Variants in TMX3 observed in about 807,000 individuals in gnomAD.
The protein encoded by TMX3 is thioredoxin related transmembrane protein 3, also known as protein disulfide-isomerase TMX3.
Under a neutral mutation model 64.4 loss-of-function variants are expected in TMX3, and 40 were observed. The ratio of observed to expected loss-of-function variants is 0.62; its 90% CI spans 0.48 to 0.81. The LOEUF (loss-of-function observed/expected upper bound fraction) is 0.81. Ranked by LOEUF, TMX3 falls within the 30% of genes least tolerant of loss-of-function variation. The probability of loss-of-function intolerance (pLI) is 0.00; values close to 1 mark genes in which losing one functional copy is unlikely to be tolerated. For missense variants in TMX3, 497 were observed against 534.5 expected (o/e 0.93, Z 0.69); for synonymous variants, 189 against 175.7 (o/e 1.08, Z -0.60).
At chr18:68,705,145 C>G (rs1015119157) in intron 4 of TMX3, among the ~76,000 whole-genome samples, 8 of 152,022 alleles carry the variant, frequency 5.3e-5, no homozygotes, top group African/African-American at 1.9e-4. Context: ...TGGGAGAGAA[C>G]ACAACTGGTA....
intron 5 of TMX3, chr18:68,701,045 C>T (rs935271933): frequency 2.0e-6 from 2 of 980,172 alleles, no homozygotes; most frequent in African/African-American, 3.5e-5. Context: ...AATTGGGAAG[C>T]ACAACAGAAT....
intron 6 of TMX3, among the ~76,000 whole-genome samples, chr18:68,698,833 G>A (rs1381247559): frequency 2.6e-5 from 4 of 151,814 alleles, no homozygotes; most frequent in Non-Finnish European, 5.9e-5. Flanking sequence ...TGGCTAATAC[G>A]GTGAAATCCC....
chr18:68,687,435 C>A, intron 10 of TMX3: 1 of 985,216 alleles, frequency 1.0e-6, no homozygotes, highest in Non-Finnish European at 1.2e-6. Context: ...TTTTGTTTTC[C>A]TTATCACCAT....
rs1914099132 is a variant in TMX3, at chr18:68,687,724, T to C, written c.679A>G (p.Arg227Gly). 1 of 1,612,586 alleles carries C rather than the reference T, an allele frequency of 6.2e-7. No homozygotes were observed. ...GDLSSWINRERFQNYLAMDGF... is the reference protein window; with the variant it reads ...GDLSSWINREGFQNYLAMDGF... ...TCCATAGCAAGGTAATTCTGAAACCTTTCCCTGTTGATCCATGATGACAGA... is the reference window on the plus strand; with the variant it reads ...TCCATAGCAAGGTAATTCTGAAACCCTTCCCTGTTGATCCATGATGACAGA... Residue 227 changes from arginine (R) to glycine (G), a missense_variant, in exon 10 of 16, where the codon AGG becomes GGG. Physicochemically the swap from Arg to Gly is moderately radical, Grantham distance 125. Transcript: ENST00000299608.
chr18:68,686,659 A>G (rs1913989622), intron 10 of TMX3: 1 of 898,562 alleles, frequency 1.1e-6, no homozygotes, highest in Non-Finnish European at 1.3e-6. Flanking sequence ...GTGAGCCAAG[A>G]TCACGTCACT....
At chr18:68,679,659 ATGTGGTAAACATTTAC>A in intron 14 of TMX3, 128 bp from the exon 15 acceptor site, 3 of 701,860 alleles carry the variant, frequency 4.3e-6, no homozygotes, top group Non-Finnish European at 6.9e-6. Context: ...TGAAAAGGCC[ATGTGGTAAACATTTAC>A]TGTGTTGTTT....
intron 2 of TMX3, 54 bp downstream of exon 2, chr18:68,713,792 A>T (rs1000832082): frequency 3.4e-6 from 3 of 874,280 alleles, no homozygotes; most frequent in Non-Finnish European, 4.9e-6. Flanking sequence ...AAATATTCAG[A>T]TATCTGAGTT....
Position 68,681,023 on chromosome 18 carries a change from G to A in TMX3, c.993C>T (p.Asp331=). The change falls in exon 14 of 16, where the codon GAC becomes GAT. Residue 331 remains aspartate (D), a synonymous_variant. Transcript: ENST00000299608. ...AAATGTTATTAATAAACTGGACCATGTCTTCAACATTCTTAATCTGTCTAT... is the reference window on the plus strand; with the variant it reads ...AAATGTTATTAATAAACTGGACCATATCTTCAACATTCTTAATCTGTCTAT... The part of the protein sequence containing the change: ...LLDRQIKNVE[D]MVQFINNILD... 1.2e-6 allele frequency: 2 copies of A among 1,600,198 alleles called. No individual in the cohort carries two copies. Among genetic ancestry groups the A allele is most frequent in the Admixed American group, 1.7e-5 (1 of 57,830 alleles).
chr18:68,709,308 T>G (rs1454247653), intron 4 of TMX3, among the ~76,000 whole-genome samples: 1 of 152,144 alleles, frequency 6.6e-6, no homozygotes, highest in Non-Finnish European at 1.5e-5. Flanking sequence ...TTTAACTTCT[T>G]CTTTTTCCCA....
chr18:68,713,059 T>A (rs1010794170), intron 2 of TMX3, among the ~76,000 whole-genome samples: 4 of 150,400 alleles, frequency 2.7e-5, no homozygotes, highest in Non-Finnish European at 5.9e-5. Context: ...TCTCTCCCCA[T>A]GAAACAGCAC....
chr18:68,696,569 C>T (rs187157322), intron 8 of TMX3, among the ~76,000 whole-genome samples: 1,677 of 151,680 alleles, frequency 0.011, 12 homozygotes, highest in African/African-American at 0.017. Context: ...CTCTGCCTCC[C>T]AGGTTCAAGT....
intron 15 of TMX3, among the ~76,000 whole-genome samples, chr18:68,678,390 A>C (rs1219241279): frequency 6.6e-6 from 1 of 152,150 alleles, no homozygotes; most frequent in African/African-American, 2.4e-5. Flanking sequence ...TTGACAGTTA[A>C]AGCTGGGAGA....
intron 10 of TMX3, chr18:68,686,876 A>C (rs2145033634): frequency 1.0e-6 from 1 of 985,252 alleles, no homozygotes; most frequent in Non-Finnish European, 1.2e-6. Context: ...ATCCCCCAAA[A>C]CGTTACAAAC....
intron 4 of TMX3, among the ~76,000 whole-genome samples, chr18:68,707,002 T>G (rs1299264376): frequency 6.6e-6 from 1 of 152,212 alleles, no homozygotes; most frequent in Non-Finnish European, 1.5e-5. Context: ...GACAATTGAC[T>G]TATGTTCACA....
intron 5 of TMX3, 187 bp from the exon 6 acceptor site, chr18:68,700,672 A>G: frequency 1.1e-6 from 1 of 918,784 alleles, no homozygotes; most frequent in Non-Finnish European, 1.3e-6. Context: ...ACACAAAAGA[A>G]AAGAGGCTGT....
intron 4 of TMX3, among the ~76,000 whole-genome samples, chr18:68,704,413 GA>G (rs957306220): frequency 1.3e-4 from 19 of 150,022 alleles, no homozygotes; most frequent in Non-Finnish European, 2.1e-4. Flanking sequence ...TTGTAAGGAA[GA>G]AAAAAAGGTA....
chr18:68,676,984 TACAGATCCTCC>T lies in TMX3; in HGVS notation c.1303_1313del (p.Gly435SerfsTer32). 1 of 1,613,818 alleles carries T rather than the reference TACAGATCCTCC, an allele frequency of 6.2e-7. No homozygotes were observed. The highest frequency in any genetic ancestry group is 1.1e-5 in the South Asian group (1 of 91,064). On this transcript the variant is annotated frameshift_variant, in exon 16 of 16. Coordinates refer to ENST00000299608, the MANE Select transcript of TMX3 (RefSeq NM_019022.5). LOFTEE classifies it high-confidence loss of function. ...CCTTGGGCTCCTGCACTGTAGGCAC[TACAGATCCTCC>T]ACTGCTGGGCTCCTGCTGTTCTTTG... is the stretch of plus-strand genomic sequence containing the variant.
In TMX3 at chr18:68,676,174, A is replaced by G. The variant is rs1308663311; in HGVS notation, c.*759T>C. The G allele has an allele frequency of 6.6e-6, 1 of 152,188 alleles. No individual in the cohort carries two copies. Among genetic ancestry groups the G allele is most frequent in the Non-Finnish European group, 1.5e-5 (1 of 68,030 alleles). The allele number at this position is 152,188 out of a possible 1,614,324, so 9.4% of individuals were successfully genotyped here. On this transcript the variant is annotated 3_prime_UTR_variant, in exon 16 of 16. Coordinates refer to ENST00000299608, the MANE Select transcript of TMX3 (RefSeq NM_019022.5). The stretch of plus-strand genomic sequence containing the variant: ...GCTATTCTGGCTAAAGCAGAGTAGG[A>G]TTAACAGAGACCCTTCCCAACCTAC...
intron 1 of TMX3, 149 bp downstream of exon 1, chr18:68,714,787 G>A: frequency 8.9e-7 from 1 of 1,124,080 alleles, no homozygotes; most frequent in Non-Finnish European, 1.2e-6. Context: ...GCAGGGTGGC[G>A]CGGCGGGGGC....
Sources: gnomAD v4.1 joint callset for allele counts (sites outside exome capture counted in the v4.1 genomes callset) on GRCh38, gnomAD v4.1.1 for gene constraint, MANE v1.5 for transcripts, NCBI Gene and HGNC (gene_info 2026-07-23, HGNC 2026-07-21) for gene names.